CMTM7: variants seen among roughly 807,000 people sequenced by gnomAD.
The protein encoded by CMTM7 is CKLF-like MARVEL transmembrane domain-containing protein 7.
Under a neutral mutation model 19.3 loss-of-function variants are expected in CMTM7, and 7 were observed. The ratio of observed to expected loss-of-function variants is 0.36; its 90% CI spans 0.21 to 0.68. CMTM7 has a LOEUF of 0.68. CMTM7 is among the 30% of genes least tolerant of loss of function. The pLI, the probability that CMTM7 is intolerant of heterozygous loss-of-function variation, is 0.60. For synonymous variants in CMTM7, 87 were observed against 99.3 expected, an observed-to-expected ratio of 0.88 and a Z score of 0.74; for missense variants, 193 against 232.6, an observed-to-expected ratio of 0.83 and a Z score of 1.11.
chr3:32,425,709 A>T (rs1696421449), intron 1 of CMTM7, among the ~76,000 whole-genome samples: 1 of 152,220 alleles, frequency 6.6e-6, no homozygotes, highest in African/African-American at 2.4e-5. Flanking sequence ...ACAAATTGGA[A>T]TTAAGGAAAC....
In CMTM7 at chr3:32,439,509, A is replaced by G. The variant is rs372976994; in HGVS notation, c.160-2331A>G. ...CACTCTGTCTTGCAGGCTGGAGTGC[A>G]GTGACGTGATAATAGCTCACTGCAA... On this transcript the variant is annotated intron_variant, in intron 1 of 4. Transcript: ENST00000334983. 4.6e-5 allele frequency among the ~76,000 whole-genome samples: 7 copies of G among 152,250 alleles called. No individual in the cohort carries two copies. In the East Asian group the frequency reaches 1.2e-3, roughly 25 times the overall value.
At chr3:32,441,133 C>T (rs1474841289) in intron 1 of CMTM7, among the ~76,000 whole-genome samples, 1 of 152,200 alleles carries the variant, frequency 6.6e-6, no homozygotes, top group African/African-American at 2.4e-5. Flanking sequence ...AGAGCTTACA[C>T]TTTTGGGAGG....
intron 1 of CMTM7, among the ~76,000 whole-genome samples, chr3:32,426,173 C>G (rs1330468442): frequency 6.6e-6 from 1 of 152,030 alleles, no homozygotes; most frequent in African/African-American, 2.4e-5. Context: ...AAAACAAAAA[C>G]TGGGATTTGC....
chr3:32,452,165 C>G, intron 3 of CMTM7: 1 of 1,502,500 alleles, frequency 6.7e-7, no homozygotes, highest in Non-Finnish European at 8.9e-7. Flanking sequence ...GGCCTGGCTG[C>G]CAGCCCTGAC....
intron 1 of CMTM7, among the ~76,000 whole-genome samples, chr3:32,433,335 C>G (rs184928360): frequency 6.6e-6 from 1 of 152,290 alleles, no homozygotes; most frequent in Admixed American, 6.5e-5. Context: ...GTGGTACAGA[C>G]CATCGGTCTG....
At chr3:32,398,378 CATTT>C (rs1481429752) in intron 1 of CMTM7, among the ~76,000 whole-genome samples, 1 of 152,012 alleles carries the variant, frequency 6.6e-6, no homozygotes, top group East Asian at 1.9e-4. Flanking sequence ...CTGGGAGGTT[CATTT>C]ATTTATTTGG....
At chr3:32,410,929 T>G (rs1264980200) in intron 1 of CMTM7, among the ~76,000 whole-genome samples, 1 of 152,216 alleles carries the variant, frequency 6.6e-6, no homozygotes, top group Non-Finnish European at 1.5e-5. Context: ...GATTACTATA[T>G]TGGATTAAAG....
intron 3 of CMTM7, chr3:32,452,048 T>C: frequency 7.5e-7 from 1 of 1,332,116 alleles, no homozygotes; most frequent in Non-Finnish European, 9.8e-7. Context: ...TTCATCCTTT[T>C]CTTCTCTTTT....
intron 1 of CMTM7, among the ~76,000 whole-genome samples, chr3:32,435,792 A>G (rs1696589326): frequency 6.6e-6 from 1 of 152,268 alleles, no homozygotes; most frequent in Admixed American, 6.5e-5. Context: ...ATGAAAAGAA[A>G]AAGGTAAAAT....
At chr3:32,427,606 G>T (rs1488324069) in intron 1 of CMTM7, among the ~76,000 whole-genome samples, 1 of 152,176 alleles carries the variant, frequency 6.6e-6, no homozygotes, top group East Asian at 1.9e-4. Context: ...CATTATAAAG[G>T]CTTAGTAGTC....
At chr3:32,410,323 G>A (rs762645373) in intron 1 of CMTM7, among the ~76,000 whole-genome samples, 11 of 152,236 alleles carry the variant, frequency 7.2e-5, no homozygotes, top group East Asian at 3.8e-4. Flanking sequence ...TGTCCAGTTC[G>A]TAAGGTGGTG....
intron 1 of CMTM7, among the ~76,000 whole-genome samples, chr3:32,418,198 A>G (rs1359505498): frequency 6.6e-6 from 1 of 152,188 alleles, no homozygotes; most frequent in African/African-American, 2.4e-5. Context: ...TGCCATCCAC[A>G]TAGCCTCTTT....
rs190697207 is a variant in CMTM7 at position 32,396,093 on chromosome 3, G to A, written c.159+4028G>A. On this transcript the variant is annotated intron_variant, in intron 1 of 4. Transcript: ENST00000334983. ...TGAAATGTCCAGAATAGGCAAATGC[G>A]TAGACACAAAAATAGATTAGTGGTT... Among the ~76,000 whole-genome samples, 224 of 152,288 alleles carry A rather than the reference G, an allele frequency of 1.5e-3. 1 individual carries two copies. Among genetic ancestry groups the A allele is most frequent in the South Asian group, 7.0e-3 (34 of 4,828 alleles).
intron 3 of CMTM7, 63 bp from the exon 4 acceptor site, chr3:32,452,329 C>G: frequency 6.2e-7 from 1 of 1,613,188 alleles, no homozygotes; most frequent in East Asian, 2.2e-5. Context: ...GAGAAGCAGA[C>G]AGGATTGCCC....
At chr3:32,401,865 G>A (rs1575108625) in intron 1 of CMTM7, among the ~76,000 whole-genome samples, 2 of 152,228 alleles carry the variant, frequency 1.3e-5, no homozygotes, top group East Asian at 3.9e-4. Flanking sequence ...GGGCTGCGGA[G>A]CGGAAAGGGG....
chr3:32,408,322 A>C (rs907108166), intron 1 of CMTM7, among the ~76,000 whole-genome samples: 5 of 152,238 alleles, frequency 3.3e-5, no homozygotes, highest in Non-Finnish European at 5.9e-5. Context: ...AATATTTTCC[A>C]TTACAATCAG....
At chr3:32,400,020 GGTTT>G (rs1356794004) in intron 1 of CMTM7, among the ~76,000 whole-genome samples, 2 of 152,092 alleles carry the variant, frequency 1.3e-5, no homozygotes, top group Non-Finnish European at 2.9e-5. Context: ...TTTTGGTGGT[GGTTT>G]GTTTTTCTTT....
intron 1 of CMTM7, among the ~76,000 whole-genome samples, chr3:32,394,488 C>G (rs1008853093): frequency 6.6e-6 from 1 of 152,140 alleles, no homozygotes; most frequent in African/African-American, 2.4e-5. Flanking sequence ...AAAGGCTGTT[C>G]CACTGGAGAA....
rs770488417 is a variant in CMTM7, at chr3:32,424,373, C to T, written c.160-17467C>T. 8.5e-5 allele frequency among the ~76,000 whole-genome samples: 13 copies of T among 152,266 alleles called. No individual in the cohort carries two copies. In the South Asian group the frequency reaches 1.7e-3, roughly 19 times the overall value. ...CGTGTCACTTCCATCACATTACAGG[C>T]GGCCACCAAGGCCTGCCCAGCTTCA... On this transcript the variant is annotated intron_variant, in intron 1 of 4. Transcript: ENST00000334983.
Sources: gnomAD v4.1 joint callset for allele counts (sites outside exome capture counted in the v4.1 genomes callset) on GRCh38, gnomAD v4.1.1 for gene constraint, MANE v1.5 for transcripts, NCBI Gene and HGNC (gene_info 2026-07-23, HGNC 2026-07-21) for gene names.